The following CHCHD6 variants were observed in gnomAD, a reference collection of about 807,000 sequenced individuals.
CHCHD6 encodes coiled-coil-helix-coiled-coil-helix domain containing 6, also known as MICOS complex subunit MIC25.
In CHCHD6, 28 loss-of-function variants were observed where a neutral mutation model predicts 32.3. The observed-to-expected ratio is 0.87, with a 90% CI of 0.64 to 1.19. The LOEUF is 1.19. Ranked by LOEUF, CHCHD6 falls within the 50% of genes most tolerant of loss-of-function variation. The probability of loss-of-function intolerance (pLI) is 0.00; values close to 1 mark genes in which losing one functional copy is unlikely to be tolerated. For missense variants in CHCHD6, 333 were observed against 307.0 expected (o/e 1.08, Z -0.63); for synonymous variants, 122 against 117.5 (o/e 1.04, Z -0.25).
At chr3:126,960,090 A>G (rs1365437453) in intron 7 of CHCHD6, 106 bp from the exon 8 acceptor site, 2 of 1,400,932 alleles carry the variant, frequency 1.4e-6, no homozygotes, top group Non-Finnish European at 2.0e-6. Context: ...AGACCAACTC[A>G]CAGCTGCTCC....
chr3:126,787,008 G>A (rs1224461013), intron 4 of CHCHD6, among the ~76,000 whole-genome samples: 1 of 152,206 alleles, frequency 6.6e-6, no homozygotes, highest in Non-Finnish European at 1.5e-5. Context: ...TGTATAAGGT[G>A]TAAGGAAAGG....
rs546270117 is a variant in CHCHD6 at position 126,943,237 on chromosome 3, G to C, written c.567-14179G>C. Among the ~76,000 whole-genome samples the C allele has an allele frequency of 3.3e-5, 5 of 152,250 alleles. 1 individual carries two copies. In the South Asian group the frequency reaches 8.3e-4, roughly 25 times the overall value. ...TACCACCCCACTCCCTGTGACTTCT[G>C]CTGGGAGGGAAAAGGACAATTGAAG... On this transcript the variant is annotated intron_variant, in intron 6 of 7. Coordinates refer to ENST00000290913, the MANE Select transcript of CHCHD6 (RefSeq NM_032343.3).
chr3:126,937,722 G>T (rs548254698), intron 6 of CHCHD6, among the ~76,000 whole-genome samples: 29 of 152,332 alleles, frequency 1.9e-4, no homozygotes, highest in African/African-American at 6.7e-4. Flanking sequence ...CCCAGAGCAT[G>T]CTGGGTGGCT....
chr3:126,725,644 A>G (rs1297944232), intron 1 of CHCHD6, among the ~76,000 whole-genome samples: 1 of 152,252 alleles, frequency 6.6e-6, no homozygotes, highest in African/African-American at 2.4e-5. Flanking sequence ...CTTAGATGGC[A>G]TCTTTTCCCA....
chr3:126,936,815 A>C (rs1170294076), intron 6 of CHCHD6, among the ~76,000 whole-genome samples: 1 of 152,200 alleles, frequency 6.6e-6, no homozygotes, highest in Non-Finnish European at 1.5e-5. Context: ...TCAGCCTCCC[A>C]AAGTACTGGG....
At chr3:126,841,174 T>G (rs1941064456) in intron 4 of CHCHD6, among the ~76,000 whole-genome samples, 1 of 152,064 alleles carries the variant, frequency 6.6e-6, no homozygotes. Flanking sequence ...AATAGCTCAC[T>G]GAGAATGATG....
intron 5 of CHCHD6, among the ~76,000 whole-genome samples, chr3:126,868,268 G>A (rs1389197663): frequency 3.3e-5 from 5 of 152,238 alleles, no homozygotes; most frequent in African/African-American, 9.6e-5. Context: ...CAGTGGCAGA[G>A]CCTGGGCTGA....
At chr3:126,753,267 G>A (rs1400963882) in intron 4 of CHCHD6, among the ~76,000 whole-genome samples, 1 of 152,188 alleles carries the variant, frequency 6.6e-6, no homozygotes, top group Non-Finnish European at 1.5e-5. Flanking sequence ...AGCAGCCGTT[G>A]CATGAAGGAA....
intron 5 of CHCHD6, among the ~76,000 whole-genome samples, chr3:126,882,608 A>G (rs886303663): frequency 6.6e-6 from 1 of 152,228 alleles, no homozygotes; most frequent in East Asian, 1.9e-4. Context: ...TTAGGCACAT[A>G]TCAGAAATTA....
chr3:126,959,010 C>G (rs191827671), intron 7 of CHCHD6, among the ~76,000 whole-genome samples: 1 of 152,246 alleles, frequency 6.6e-6, no homozygotes, highest in Non-Finnish European at 1.5e-5. Flanking sequence ...GCAGGGCCTA[C>G]GCCTCAGTGG....
chr3:126,934,982 A>G (rs1233716796), intron 6 of CHCHD6: 1 of 221,350 alleles, frequency 4.5e-6, no homozygotes, highest in Non-Finnish European at 7.7e-6. Context: ...GGAAATGGTC[A>G]CATCAATTCT....
At chr3:126,886,459 T>C (rs1421665677) in intron 5 of CHCHD6, among the ~76,000 whole-genome samples, 2 of 152,228 alleles carry the variant, frequency 1.3e-5, no homozygotes, top group African/African-American at 4.8e-5. Context: ...TCAGTAGCCA[T>C]CTGAGTTATC....
chr3:126,842,971 CTA>C (rs1166105483), intron 4 of CHCHD6, among the ~76,000 whole-genome samples: 9 of 152,024 alleles, frequency 5.9e-5, no homozygotes, highest in Non-Finnish European at 1.3e-4. Flanking sequence ...ATCAGATACT[CTA>C]AATCTTTTTA....
intron 5 of CHCHD6, among the ~76,000 whole-genome samples, chr3:126,902,742 T>C (rs2077947551): frequency 6.7e-6 from 1 of 148,806 alleles, no homozygotes; most frequent in Non-Finnish European, 1.5e-5. Context: ...AAAATCAATG[T>C]AGTGCTCGGA....
chr3:126,878,376 G>C (rs2107571531), intron 5 of CHCHD6, among the ~76,000 whole-genome samples: 1 of 152,298 alleles, frequency 6.6e-6, no homozygotes, highest in East Asian at 1.9e-4. Flanking sequence ...GGTGAGCCTA[G>C]GACATTTTAT....
intron 6 of CHCHD6, among the ~76,000 whole-genome samples, chr3:126,937,869 T>G (rs2078504536): frequency 6.6e-6 from 1 of 152,034 alleles, no homozygotes; most frequent in Admixed American, 6.5e-5. Flanking sequence ...TGGTTACTTC[T>G]GGGGGAGCGG....
chr3:126,758,058 C>G (rs982141607), intron 4 of CHCHD6, among the ~76,000 whole-genome samples: 1 of 152,220 alleles, frequency 6.6e-6, no homozygotes, highest in African/African-American at 2.4e-5. Flanking sequence ...CAGATGAACT[C>G]TTGGGCAAGC....
At chr3:126,821,470 A>G (rs939151198) in intron 4 of CHCHD6, among the ~76,000 whole-genome samples, 4 of 151,948 alleles carry the variant, frequency 2.6e-5, no homozygotes, top group African/African-American at 9.7e-5. Flanking sequence ...AATTTTTTGT[A>G]TTTTTAGTAG....
At chr3:126,781,610 T>C (rs1423373732) in intron 4 of CHCHD6, among the ~76,000 whole-genome samples, 1 of 152,236 alleles carries the variant, frequency 6.6e-6, no homozygotes, top group Non-Finnish European at 1.5e-5. Flanking sequence ...GAGCAAGGGC[T>C]GCCTTCAGTC....
Sources: gnomAD v4.1 joint callset for allele counts (sites outside exome capture counted in the v4.1 genomes callset) on GRCh38, gnomAD v4.1.1 for gene constraint, MANE v1.5 for transcripts, NCBI Gene and HGNC (gene_info 2026-07-23, HGNC 2026-07-21) for gene names.